The following IFITM10 variants were observed in gnomAD, a reference collection of about 807,000 sequenced individuals.
IFITM10 encodes the protein interferon-induced transmembrane protein 10.
A neutral mutation model predicts 19.0 loss-of-function variants in IFITM10; 17 were observed. That is an observed-to-expected ratio of 0.90 (90% CI 0.61 to 1.34). The LOEUF (loss-of-function observed/expected upper bound fraction) is 1.34, where lower values mean the gene tolerates loss of function less well. IFITM10 is among the 40% of genes most tolerant of loss of function. The pLI is 0.00. For missense variants in IFITM10, 306 were observed against 319.8 expected (o/e 0.96, Z 0.33); for synonymous variants, 148 against 147.2 (o/e 1.01, Z -0.04).
At chr11:1,745,337 G>A (rs377476252) in intron 2 of IFITM10, 2 of 152,352 alleles carry the variant, frequency 1.3e-5, no homozygotes, top group Non-Finnish European at 2.9e-5. Context: ...GGCACAGAGA[G>A]AGGGGAGGCA....
chr11:1,743,009 AATGG>A (rs1349443895), intron 2 of IFITM10, among the ~76,000 whole-genome samples: 6 of 112,418 alleles, frequency 5.3e-5, no homozygotes, highest in Admixed American at 3.4e-4. Flanking sequence ...ATGAAAGATA[AATGG>A]ATGGATGGAT....
At chr11:1,738,336 C>G (rs1851108627) in intron 2 of IFITM10, among the ~76,000 whole-genome samples, 2 of 152,130 alleles carry the variant, frequency 1.3e-5, no homozygotes, top group Non-Finnish European at 2.9e-5. Context: ...TTTTCACAAG[C>G]CTGGTAAGCT....
chr11:1,744,398 G>A (rs3740622), intron 2 of IFITM10: 47,388 of 152,422 alleles, frequency 0.31, 8,709 homozygotes, highest in African/African-American at 0.51. Context: ...TGACCGGGGC[G>A]GGGAACCGCT....
intron 2 of IFITM10, among the ~76,000 whole-genome samples, chr11:1,742,911 AGGATGGATAGATGGATGGAGGAT>A (rs1845586280): frequency 1.3e-5 from 2 of 151,686 alleles, no homozygotes; most frequent in South Asian, 2.1e-4. Context: ...GGACAGATGG[AGGATGGATAGATGGATGGAGGAT>A]GGATGGATAG....
At chr11:1,747,353 C>A (rs1342057386) in intron 2 of IFITM10, among the ~76,000 whole-genome samples, 2 of 152,094 alleles carry the variant, frequency 1.3e-5, no homozygotes. Flanking sequence ...TGAGCAACCC[C>A]GCCCCCCTCA....
chr11:1,741,889 C>T (rs1020081129), intron 2 of IFITM10, among the ~76,000 whole-genome samples: 20 of 152,172 alleles, frequency 1.3e-4, no homozygotes, highest in Admixed American at 1.1e-3. Flanking sequence ...AAAGGGGCCC[C>T]AGGGAGGCCC....
intron 2 of IFITM10, among the ~76,000 whole-genome samples, chr11:1,736,750 G>A (rs1851091416): frequency 6.7e-6 from 1 of 149,358 alleles, no homozygotes; most frequent in African/African-American, 2.6e-5. Context: ...GGAGTGGATG[G>A]AATGGATGGA....
At chr11:1,745,086 G>C (rs1372342247) in intron 2 of IFITM10, 4 of 152,640 alleles carry the variant, frequency 2.6e-5, no homozygotes, top group Admixed American at 6.5e-5. Flanking sequence ...GACACAGGAG[G>C]AGCAGGCTTG....
intron 1 of IFITM10, among the ~76,000 whole-genome samples, chr11:1,750,102 C>T (rs1182522369): frequency 3.3e-5 from 5 of 152,258 alleles, no homozygotes; most frequent in African/African-American, 1.2e-4. Context: ...ACCAGCCCTT[C>T]TGAGCCTGGT....
intron 2 of IFITM10, 63 bp downstream of exon 2, chr11:1,747,604 G>A: frequency 1.4e-6 from 2 of 1,443,576 alleles, no homozygotes; most frequent in Non-Finnish European, 1.9e-6. Context: ...CCACAGCCAG[G>A]GACTGTCCTG....
At chr11:1,746,040 GCACA>G (rs1407116257) in intron 2 of IFITM10, 1 of 151,376 alleles carries the variant, frequency 6.6e-6, no homozygotes, top group Non-Finnish European at 1.5e-5. Context: ...ACACACTTGT[GCACA>G]CACATTTACA....
intron 2 of IFITM10, chr11:1,746,528 C>T (rs1180639731): frequency 2.5e-6 from 1 of 398,500 alleles, no homozygotes; most frequent in Non-Finnish European, 4.4e-6. Context: ...ATCCGCAGGC[C>T]CGAGGTTGAA....
chr11:1,742,926 A>G (rs1845586540), intron 2 of IFITM10, among the ~76,000 whole-genome samples: 1 of 151,790 alleles, frequency 6.6e-6, no homozygotes. Context: ...GGATAGATGG[A>G]TGGAGGATGG....
rs552813961 is a variant in IFITM10, at chr11:1,746,591, G to A, written c.537+1076C>T. The A allele has an allele frequency of 1.5e-5, 6 of 398,672 alleles. 1 individual carries two copies. In the South Asian group the frequency reaches 5.1e-4, roughly 34 times the overall value. 24.7% of individuals were successfully genotyped at this position (398,672 alleles called of 1,614,324 possible). A position where few individuals can be genotyped will look rare whatever the true frequency, so the allele number is the denominator to read the frequency against. On this transcript the variant is annotated intron_variant, in intron 2 of 2. Coordinates refer to ENST00000340134, the MANE Select transcript of IFITM10 (RefSeq NM_001170820.4). ...GGTTGGCAATCATGATGAGTCAGGA[G>A]CAGGAGGGGAACGCCGACCGCAGTT...
chr11:1,737,732 T>C (rs574765066), intron 2 of IFITM10, among the ~76,000 whole-genome samples: 2 of 152,244 alleles, frequency 1.3e-5, no homozygotes, highest in Admixed American at 6.5e-5. Flanking sequence ...ATAATGCTCA[T>C]CTTATCATTA....
chr11:1,735,490 C>A, intron 2 of IFITM10, 61 bp from the exon 3 acceptor site: 1 of 1,483,740 alleles, frequency 6.7e-7, no homozygotes, highest in South Asian at 1.3e-5. Context: ...CTTGGAGCAT[C>A]CAGGAGCCCA....
intron 2 of IFITM10, among the ~76,000 whole-genome samples, chr11:1,738,799 G>A (rs1000588534): frequency 2.0e-5 from 3 of 152,066 alleles, no homozygotes; most frequent in Admixed American, 1.3e-4. Context: ...GGTGGCTCAC[G>A]CCTGTAATCC....
At chr11:1,744,044 C>G (rs748640399) in intron 2 of IFITM10, among the ~76,000 whole-genome samples, 1 of 152,210 alleles carries the variant, frequency 6.6e-6, no homozygotes, top group Non-Finnish European at 1.5e-5. Context: ...CCATTTTCCC[C>G]GCCTGAAACA....
intron 1 of IFITM10, 42 bp from the exon 2 acceptor site, chr11:1,748,161 G>A: frequency 7.8e-7 from 1 of 1,287,686 alleles, no homozygotes; most frequent in Non-Finnish European, 9.9e-7. Context: ...CCGGCCTACC[G>A]GCCAGCACCC....
Sources: allele counts gnomAD v4.1 joint callset (sites outside exome capture counted in the v4.1 genomes callset), GRCh38; gene constraint gnomAD v4.1.1; transcripts MANE v1.5; gene names NCBI Gene and HGNC (gene_info 2026-07-23, HGNC 2026-07-21).